ZNF280D: variants seen among roughly 807,000 people sequenced by gnomAD.
The protein encoded by ZNF280D is zinc finger protein 280D.
In ZNF280D, 39 loss-of-function variants were observed where a neutral mutation model predicts 94.7. The ratio of observed to expected loss-of-function variants is 0.41; its 90% CI spans 0.32 to 0.54. ZNF280D has a LOEUF of 0.54. Among genes scored for constraint, ZNF280D ranks in the 20% least tolerant of loss-of-function variants. The probability of loss-of-function intolerance (pLI) is 0.22; values close to 1 mark genes in which losing one functional copy is unlikely to be tolerated. For missense variants in ZNF280D, 1,090 were observed against 1,149.3 expected (o/e 0.95, Z 0.75); for synonymous variants, 398 against 377.6 (o/e 1.05, Z -0.63).
intron 10 of ZNF280D, among the ~76,000 whole-genome samples, chr15:56,679,101 A>T (rs2055441831): frequency 6.6e-6 from 1 of 152,126 alleles, no homozygotes; most frequent in South Asian, 2.1e-4. Flanking sequence ...CAGATTATTT[A>T]AAAAATTTTT....
chr15:56,667,316 ACAAG>A (rs1189836834), intron 14 of ZNF280D, among the ~76,000 whole-genome samples: 3 of 152,172 alleles, frequency 2.0e-5, no homozygotes, highest in Non-Finnish European at 2.9e-5. Flanking sequence ...TAAGAAATTC[ACAAG>A]CATAGAGCTC....
At chr15:56,667,874 A>G (rs1352308219) in intron 14 of ZNF280D, 1 of 181,576 alleles carries the variant, frequency 5.5e-6, no homozygotes, top group Non-Finnish European at 1.2e-5. Flanking sequence ...ATTAGACAAC[A>G]GAATGTATGA....
In ZNF280D at chr15:56,669,897, T is replaced by TA. The variant is rs2054611575; in HGVS notation, c.1411-941dup. Reference sequence around the variant, plus strand: ...TTTATATATATATATATTATATATATATATAATATATATATATTATATATA... The same window carrying TA: ...TTTATATATATATATATTATATATATAATATAATATATATATATTATATATA... On this transcript the variant is annotated intron_variant, in intron 13 of 21. Transcript: ENST00000267807. Among the ~76,000 whole-genome samples, 11 of 8,504 alleles carry TA rather than the reference T, an allele frequency of 1.3e-3. 3 individuals are homozygous for TA. The highest frequency in any genetic ancestry group is 4.5e-3 in the South Asian group (1 of 224). The allele number at this position is 8,504 out of a possible 152,430, so 5.6% of individuals were successfully genotyped here.
At chr15:56,674,932 T>G (rs922309018) in intron 13 of ZNF280D, among the ~76,000 whole-genome samples, 1 of 152,036 alleles carries the variant, frequency 6.6e-6, no homozygotes, top group Non-Finnish European at 1.5e-5. Flanking sequence ...ACTATTCTGA[T>G]TGTCTAATAC....
intron 1 of ZNF280D, among the ~76,000 whole-genome samples, chr15:56,726,449 A>C (rs1323651917): frequency 6.6e-6 from 1 of 152,214 alleles, no homozygotes; most frequent in African/African-American, 2.4e-5. Flanking sequence ...TTACTACTTT[A>C]AAATAGATTA....
chr15:56,666,787 C>T lies in ZNF280D; in HGVS notation c.1745G>A (p.Gly582Glu), dbSNP rs753787135. The T allele has an allele frequency of 6.2e-7, 1 of 1,613,654 alleles. No individual in the cohort carries two copies. The highest frequency in any genetic ancestry group is 1.7e-5 in the Admixed American group (1 of 59,968). ...TTTTGGTTTGTATTTAGATTTACTT[C>T]CATTAGGCTTACTTGTATTAGGTTT... ...ASKPNTSKPNGSKSKYKPKIS... is the reference protein window; with the variant it reads ...ASKPNTSKPNESKSKYKPKIS... Residue 582 changes from glycine (G) to glutamate (E), a missense_variant, in exon 15 of 22, where the codon GGA becomes GAA. This residue lies in a region of ZNF280D where 577 missense variants were observed against 568.8 expected (regional missense o/e 1.01). Coordinates refer to ENST00000267807, the MANE Select transcript of ZNF280D (RefSeq NM_017661.4).
chr15:56,679,640 G>A (rs1030648016), intron 10 of ZNF280D, among the ~76,000 whole-genome samples: 1 of 152,142 alleles, frequency 6.6e-6, no homozygotes, highest in African/African-American at 2.4e-5. Context: ...TGCTGAATTT[G>A]AGAGTAAAGT....
At chr15:56,695,847 A>T (rs993320808) in intron 6 of ZNF280D, among the ~76,000 whole-genome samples, 1 of 152,130 alleles carries the variant, frequency 6.6e-6, no homozygotes, top group Non-Finnish European at 1.5e-5. Context: ...TTTTTTTAGG[A>T]AATGTTCCAA....
intron 4 of ZNF280D, among the ~76,000 whole-genome samples, chr15:56,702,242 T>C (rs1270537522): frequency 6.6e-6 from 1 of 152,154 alleles, no homozygotes; most frequent in Middle Eastern, 3.2e-3. Context: ...ACTGTTTTCA[T>C]TCAGAAATTC....
chr15:56,643,212 TAA>T, intron 19 of ZNF280D: 1 of 317,960 alleles, frequency 3.1e-6, no homozygotes, highest in Non-Finnish European at 5.8e-6. Flanking sequence ...GCTAAATCAA[TAA>T]AGACATTTAT....
At chr15:56,642,783 G>C (rs2052691478) in intron 20 of ZNF280D, among the ~76,000 whole-genome samples, 169 bp downstream of exon 20, 1 of 151,672 alleles carries the variant, frequency 6.6e-6, no homozygotes, top group Non-Finnish European at 1.5e-5. Context: ...CTTAGGGCTA[G>C]ATATTTTTAT....
At chr15:56,706,786 T>C (rs886976625) in intron 3 of ZNF280D, among the ~76,000 whole-genome samples, 1 of 152,148 alleles carries the variant, frequency 6.6e-6, no homozygotes, top group Non-Finnish European at 1.5e-5. Context: ...ATTTAAGACA[T>C]AATAGCTTTA....
chr15:56,682,956 C>T (rs1293692840), intron 9 of ZNF280D, among the ~76,000 whole-genome samples: 1 of 151,862 alleles, frequency 6.6e-6, no homozygotes, highest in East Asian at 1.9e-4. Context: ...ATAGAATAGG[C>T]TCCTTAATTA....
chr15:56,650,165 C>G (rs970640358), intron 19 of ZNF280D, among the ~76,000 whole-genome samples: 1 of 152,012 alleles, frequency 6.6e-6, no homozygotes, highest in Non-Finnish European at 1.5e-5. Flanking sequence ...GTTTCCAACA[C>G]CTGACACAGA....
chr15:56,733,236 C>T (rs1183727039), intron 1 of ZNF280D, among the ~76,000 whole-genome samples: 3 of 152,110 alleles, frequency 2.0e-5, no homozygotes, highest in Non-Finnish European at 4.4e-5. Context: ...GCGGCTGCCG[C>T]GTCGCGCCGG....
At chr15:56,659,718 C>G (rs1305645572) in intron 16 of ZNF280D, among the ~76,000 whole-genome samples, 1 of 151,880 alleles carries the variant, frequency 6.6e-6, no homozygotes, top group Non-Finnish European at 1.5e-5. Context: ...ACAACCCCAT[C>G]CCCCGTGACA....
At chr15:56,706,143 C>T (rs1235579893) in intron 3 of ZNF280D, among the ~76,000 whole-genome samples, 1 of 132,166 alleles carries the variant, frequency 7.6e-6, no homozygotes, top group Non-Finnish European at 1.6e-5. Context: ...GATTAGGACA[C>T]AGACACAAGC....
At chr15:56,685,499 A>G (rs1486725738) in intron 9 of ZNF280D, among the ~76,000 whole-genome samples, 1 of 152,192 alleles carries the variant, frequency 6.6e-6, no homozygotes, top group African/African-American at 2.4e-5. Flanking sequence ...TCATAAAGGA[A>G]TATCAGTTAG....
chr15:56,704,355 T>C, intron 3 of ZNF280D, 88 bp from the exon 4 acceptor site: 1 of 1,284,124 alleles, frequency 7.8e-7, no homozygotes, highest in Non-Finnish European at 1.1e-6. Context: ...TTTTAAGGTG[T>C]ACTTTAATAA....
Sources: gnomAD v4.1 joint callset for allele counts (sites outside exome capture counted in the v4.1 genomes callset) on GRCh38, gnomAD v4.1.1 for gene constraint, gnomAD v4.1.1 regional missense constraint, MANE v1.5 for transcripts, NCBI Gene and HGNC (gene_info 2026-07-23, HGNC 2026-07-21) for gene names.